PHYHD1: variants seen among roughly 807,000 people sequenced by gnomAD.
PHYHD1 encodes the protein phytanoyl-CoA dioxygenase domain-containing protein 1.
In PHYHD1, 42 loss-of-function variants were observed where a neutral mutation model predicts 43.6. That is an observed-to-expected ratio of 0.96 (90% CI 0.75 to 1.25). The LOEUF is 1.25. Ranked by LOEUF, PHYHD1 falls within the 50% of genes most tolerant of loss-of-function variation. The pLI is 0.00. For missense variants in PHYHD1, 342 were observed against 370.8 expected (o/e 0.92, Z 0.64); for synonymous variants, 139 against 143.6 (o/e 0.97, Z 0.23).
chr9:128,927,347 G>T (rs1236286303), intron 4 of PHYHD1, 151 bp downstream of exon 4: 7 of 851,340 alleles, frequency 8.2e-6, no homozygotes, highest in South Asian at 5.1e-5. Context: ...TCACTGGGAA[G>T]TTATCAAGTA....
intron 2 of PHYHD1, 28 bp from the exon 3 acceptor site, chr9:128,922,255 G>A: frequency 1.3e-6 from 2 of 1,542,566 alleles, no homozygotes; most frequent in Non-Finnish European, 1.8e-6. Flanking sequence ...AGTCCTCCCA[G>A]GCTCCTAAAC....
chr9:128,923,906 T>C (rs1268005801), intron 3 of PHYHD1, among the ~76,000 whole-genome samples: 1 of 150,788 alleles, frequency 6.6e-6, no homozygotes, highest in Non-Finnish European at 1.5e-5. Flanking sequence ...TCACCTGAGG[T>C]CAGGAGTTGG....
At chr9:128,933,657 G>A in intron 4 of PHYHD1, 125 bp from the exon 5 acceptor site, 1 of 1,033,512 alleles carries the variant, frequency 9.7e-7, no homozygotes, top group Non-Finnish European at 1.5e-6. Context: ...GGACAAGTCT[G>A]AGAAGCCCCC....
intron 9 of PHYHD1, among the ~76,000 whole-genome samples, chr9:128,938,148 A>G (rs1306918187): frequency 6.6e-6 from 1 of 152,034 alleles, no homozygotes; most frequent in Non-Finnish European, 1.5e-5. Context: ...CTCTACTAAA[A>G]ATACAAAAAT....
rs1282228071 is a variant in PHYHD1 at position 128,938,873 on chromosome 9, G to C, written c.457+1095G>C. Among the ~76,000 whole-genome samples the C allele has an allele frequency of 2.3e-5, 3 of 130,868 alleles. 1 individual carries two copies. The highest frequency in any genetic ancestry group is 5.3e-5 in the Non-Finnish European group (3 of 56,180). 85.9% of individuals were successfully genotyped at this position (130,868 alleles called of 152,430 possible). A position where few individuals can be genotyped will look rare whatever the true frequency, so the allele number is the denominator to read the frequency against. ...CTGCTCAAATACCTCTGGTGACAGG[G>C]AGCTCATCCCCTCCCAGGAAGCCCT... On this transcript the variant is annotated intron_variant, in intron 9 of 12. Transcript: ENST00000372592.
At chr9:128,927,618 C>T (rs1841170346) in intron 4 of PHYHD1, among the ~76,000 whole-genome samples, 1 of 152,146 alleles carries the variant, frequency 6.6e-6, no homozygotes, top group South Asian at 2.1e-4. Flanking sequence ...TCCAGGTGAT[C>T]CACCAGCCTC....
chr9:128,926,856 C>T lies in PHYHD1; in HGVS notation c.34-182C>T, dbSNP rs1841148935. The T allele has an allele frequency of 3.8e-6, 3 of 798,750 alleles. No individual in the cohort carries two copies. In the South Asian group the frequency reaches 4.3e-5, roughly 12 times the overall value. 49.5% of individuals were successfully genotyped at this position (798,750 alleles called of 1,614,324 possible). ...ACTGCACCCGGCCTCACTACTTGTTCTTCCATTCAAGCAGCCAATATTGAT... is the reference window on the plus strand; with the variant it reads ...ACTGCACCCGGCCTCACTACTTGTTTTTCCATTCAAGCAGCCAATATTGAT... On this transcript the variant is annotated intron_variant, in intron 3 of 12. Coordinates refer to ENST00000372592, the MANE Select transcript of PHYHD1 (RefSeq NM_001100876.2).
intron 4 of PHYHD1, 55 bp from the exon 5 acceptor site, chr9:128,933,727 G>A (rs1391113912): frequency 3.8e-6 from 6 of 1,569,816 alleles, no homozygotes; most frequent in Non-Finnish European, 5.3e-6. Context: ...TCTTTGCCAG[G>A]CCCAGCTCTG....
At chr9:128,935,571 AAAAAG>A (rs1841404308) in intron 6 of PHYHD1, among the ~76,000 whole-genome samples, 1 of 148,706 alleles carries the variant, frequency 6.7e-6, no homozygotes, top group Admixed American at 6.8e-5. Flanking sequence ...AAAAAAAAAA[AAAAAG>A]AAAAGATTTA....
chr9:128,934,555 G>T (rs1841378574), intron 6 of PHYHD1, among the ~76,000 whole-genome samples: 1 of 151,786 alleles, frequency 6.6e-6, no homozygotes, highest in Non-Finnish European at 1.5e-5. Flanking sequence ...GATCACCTGA[G>T]GTCGGGAGTT....
rs1228332936 is a variant in PHYHD1, at chr9:128,934,077, G to A, written c.316+19G>A. On this transcript the variant is annotated intron_variant, in intron 6 of 12. Transcript: ENST00000372592. The stretch of plus-strand genomic sequence containing the variant: ...GGCCACGGTGAGCAGGGGCTTGGGG[G>A]TACAGGAAAGAAGATCGGGGAACAG... The A allele has an allele frequency of 6.2e-7, 1 of 1,611,166 alleles. No homozygotes were observed. Among genetic ancestry groups the A allele is most frequent in the Admixed American group, 1.7e-5 (1 of 59,952 alleles).
chr9:128,928,272 G>A lies in PHYHD1; in HGVS notation c.192+1076G>A, dbSNP rs370219468. Among the ~76,000 whole-genome samples, 43 of 152,316 alleles carry A rather than the reference G, an allele frequency of 2.8e-4. No individual in the cohort carries two copies. In the East Asian group the frequency reaches 7.9e-3, roughly 28 times the overall value. On this transcript the variant is annotated intron_variant, in intron 4 of 12. Transcript: ENST00000372592. ...CCTTCCATTCGGGGGGATACTGGGG[G>A]AAGCAGAGACAGCTCCTGCAGCCAG...
chr9:128,937,044 G>C (rs1364820196), intron 8 of PHYHD1, among the ~76,000 whole-genome samples: 2 of 152,118 alleles, frequency 1.3e-5, no homozygotes, highest in Non-Finnish European at 2.9e-5. Context: ...GAACCCAGGA[G>C]GTGGAGGTTA....
intron 4 of PHYHD1, among the ~76,000 whole-genome samples, chr9:128,931,142 G>A (rs867278298): frequency 6.6e-6 from 1 of 151,688 alleles, no homozygotes. Flanking sequence ...ATATATTTTC[G>A]CTCCTGTCAT....
At chr9:128,922,461 G>A (rs1841023277) in intron 3 of PHYHD1, 105 bp downstream of exon 3, 3 of 1,393,382 alleles carry the variant, frequency 2.2e-6, no homozygotes, top group Non-Finnish European at 2.9e-6. Flanking sequence ...TTTTACCGAG[G>A]ACGAAACTGA....
chr9:128,926,449 C>T (rs1446453237), intron 3 of PHYHD1, among the ~76,000 whole-genome samples: 9 of 151,856 alleles, frequency 5.9e-5, no homozygotes, highest in Admixed American at 5.9e-4. Context: ...GATGGGGTTT[C>T]ACCATGTTGG....
chr9:128,934,906 AG>A (rs537463942), intron 6 of PHYHD1, among the ~76,000 whole-genome samples: 6 of 152,084 alleles, frequency 3.9e-5, no homozygotes, highest in Non-Finnish European at 7.4e-5. Flanking sequence ...CACTGGGGAT[AG>A]GGGGTCCACC....
chr9:128,936,747 T>C (rs746783445), intron 8 of PHYHD1, 102 bp downstream of exon 8: 77 of 1,282,788 alleles, frequency 6.0e-5, no homozygotes, highest in Non-Finnish European at 7.3e-5. Flanking sequence ...GGAATTATTA[T>C]GTTGGTGGGA....
chr9:128,936,154 G>A (rs1056301138), intron 6 of PHYHD1, among the ~76,000 whole-genome samples: 1 of 151,870 alleles, frequency 6.6e-6, no homozygotes, highest in Non-Finnish European at 1.5e-5. Flanking sequence ...TGGTGGTACC[G>A]AGATTGCTCC....
Sources: gnomAD v4.1 joint callset for allele counts (sites outside exome capture counted in the v4.1 genomes callset) on GRCh38, gnomAD v4.1.1 for gene constraint, MANE v1.5 for transcripts, NCBI Gene and HGNC (gene_info 2026-07-23, HGNC 2026-07-21) for gene names.